LRRC14B: variants seen among roughly 807,000 people sequenced by gnomAD.
LRRC14B encodes leucine rich repeat containing 14B, also known as leucine-rich repeat-containing protein 14B.
In LRRC14B, 23 loss-of-function variants were observed where a neutral mutation model predicts 16.9. That is an observed-to-expected ratio of 1.36 (90% CI 0.98 to 1.92). The LOEUF (loss-of-function observed/expected upper bound fraction) is 1.92, where lower values mean the gene tolerates loss of function less well. LRRC14B is among the 30% of genes most tolerant of loss of function. The pLI is 0.00. For synonymous variants in LRRC14B, 358 were observed against 332.5 expected, an observed-to-expected ratio of 1.08 and a Z score of -0.83; for missense variants, 766 against 705.7, an observed-to-expected ratio of 1.09 and a Z score of -0.97.
intron 1 of LRRC14B, among the ~76,000 whole-genome samples, chr5:192,904 C>T (rs1733836529): frequency 6.6e-6 from 1 of 152,204 alleles, no homozygotes; most frequent in Non-Finnish European, 1.5e-5. Flanking sequence ...TCCTCCCAGT[C>T]TCCCTCGAGG....
At position 192,220 on chromosome 5, in the gene LRRC14B, C is replaced by T. The variant is rs1013276409; in HGVS notation, c.682C>T (p.His228Tyr). ...VVHNVRLHAG[H>Y]VQQLLAQVGF... The stretch of plus-strand genomic sequence containing the variant: ...GCACAACGTGCGGCTGCATGCGGGC[C>T]ACGTGCAGCAGCTTCTGGCCCAGGT... Residue 228 changes from histidine to tyrosine, a missense_variant, in exon 1 of 2, where the codon CAC (histidine) becomes TAC (tyrosine). Coordinates refer to ENST00000328278, the MANE Select transcript of LRRC14B (RefSeq NM_001080478.3). The T allele has an allele frequency of 1.5e-5, 24 of 1,596,766 alleles. No individual in the cohort carries two copies. The highest frequency in any genetic ancestry group is 2.0e-5 in the Non-Finnish European group (24 of 1,172,714).
chr5:193,215 G>A (rs1422397247), intron 1 of LRRC14B, among the ~76,000 whole-genome samples: 1 of 151,622 alleles, frequency 6.6e-6, no homozygotes, highest in African/African-American at 2.4e-5. Flanking sequence ...GGTGGGTCCT[G>A]AAGGAGGGGC....
chr5:191,886 A>T lies in LRRC14B; in HGVS notation c.348A>T (p.Arg116=), dbSNP rs1488458686. 1 of 1,518,034 alleles carries T rather than the reference A, an allele frequency of 6.6e-7. No homozygotes were observed. Among genetic ancestry groups the T allele is most frequent in the East Asian group, 2.5e-5 (1 of 40,188 alleles). 94.0% of individuals were successfully genotyped at this position (1,518,034 alleles called of 1,614,324 possible). ...RLRVADLTGI[R]DVQVQRCPCG... is the part of the protein sequence containing the mutation. The stretch of plus-strand genomic sequence containing the variant: ...GGGTGGCTGACCTCACGGGCATCCG[A>T]GATGTGCAGGTGCAGCGGTGCCCGT... The change falls in exon 1 of 2, where the codon CGA becomes CGT. Residue 116 remains arginine, a synonymous_variant. Transcript: ENST00000328278.
chr5:192,775 T>C (rs1436469055), intron 1 of LRRC14B, among the ~76,000 whole-genome samples: 1 of 152,176 alleles, frequency 6.6e-6, no homozygotes, highest in African/African-American at 2.4e-5. Context: ...CCCCAACACT[T>C]GGGGGCTTCA....
rs1733795517 is a variant in LRRC14B, at chr5:191,735, C to T, written c.197C>T (p.Ala66Val). ...RWPLEEFRLG[A>V]LLGPGADHPQ... Reference sequence around the variant, plus strand: ...CCCCTGGAGGAGTTCCGGCTGGGAGCGCTGCTGGGTCCTGGTGCCGACCAC... The same window carrying T: ...CCCCTGGAGGAGTTCCGGCTGGGAGTGCTGCTGGGTCCTGGTGCCGACCAC... Residue 66 changes from alanine to valine, a missense_variant, in exon 1 of 2, where the codon GCG (alanine) becomes GTG (valine). Physicochemically the swap from Ala to Val is moderately conservative, Grantham distance 64 (BLOSUM62 0). Transcript: ENST00000328278. The T allele has an allele frequency of 5.1e-6, 8 of 1,567,364 alleles. No individual in the cohort carries two copies. The highest frequency in any genetic ancestry group is 1.2e-5 in the South Asian group (1 of 85,738).
rs748272220 is a variant in LRRC14B, at chr5:192,086, C to T, written c.548C>T (p.Pro183Leu). 62 of 1,551,606 alleles carry T rather than the reference C, an allele frequency of 4.0e-5. No individual in the cohort carries two copies. Among genetic ancestry groups the T allele is most frequent in the Non-Finnish European group, 5.3e-5 (61 of 1,152,628 alleles). The change falls in exon 1 of 2, where the codon CCT (proline) becomes CTT (leucine). Residue 183 changes from proline to leucine, a missense_variant. Physicochemically the swap from Pro to Leu is moderately conservative, Grantham distance 98. Coordinates refer to ENST00000328278, the MANE Select transcript of LRRC14B (RefSeq NM_001080478.3). ...GCTCTGAGGCCAGCGGGCCCGGCCC[C>T]TCTGCGGGTGCACTGCCCCTCGTTC... Reference protein sequence around the residue: ...VQALRPAGPAPLRVHCPSFRA... With the variant: ...VQALRPAGPALLRVHCPSFRA...
At position 195,436 on chromosome 5, in the gene LRRC14B, C is replaced by T; in HGVS notation, c.*83C>T. On this transcript the variant is annotated 3_prime_UTR_variant, in exon 2 of 2. Coordinates refer to ENST00000328278, the MANE Select transcript of LRRC14B (RefSeq NM_001080478.3). ...TTAGTCCTGGATCTGAGGCTTGGGC[C>T]CGGCATTCATCCCCACCACCACCAC... is the stretch of plus-strand genomic sequence containing the variant. 1 of 1,283,874 alleles carries T rather than the reference C, an allele frequency of 7.8e-7. No individual in the cohort carries two copies. Among genetic ancestry groups the T allele is most frequent in the East Asian group, 2.5e-5 (1 of 40,376 alleles). 79.5% of individuals were successfully genotyped at this position (1,283,874 alleles called of 1,614,324 possible). A position where few individuals can be genotyped will look rare whatever the true frequency, so the allele number is the denominator to read the frequency against.
rs73730745 is a variant in LRRC14B, at chr5:195,208, G to A, written c.1400G>A (p.Arg467Gln). 305 of 1,613,760 alleles carry A rather than the reference G, an allele frequency of 1.9e-4. No homozygotes were observed. In the African/African-American group the frequency reaches 3.0e-3, roughly 16 times the overall value. Residue 467 changes from arginine (R) to glutamine (Q), a missense_variant, in exon 2 of 2, where the codon CGA (arginine) becomes CAA (glutamine). Transcript: ENST00000328278. ...ELRAVLLRAD[R>Q]EDIQVSTPLF... ...CGTGCCGTGCTGCTGCGGGCTGACC[G>A]AGAGGACATCCAAGTCTCCACACCT... is the stretch of plus-strand genomic sequence containing the variant.
At chr5:194,369 G>A (rs987321937) in intron 1 of LRRC14B, among the ~76,000 whole-genome samples, 1 of 152,152 alleles carries the variant, frequency 6.6e-6, no homozygotes, top group African/African-American at 2.4e-5. Context: ...TACCATTTAG[G>A]TGCTGAGGAC....
At position 192,258 on chromosome 5, in the gene LRRC14B, G is replaced by A. The variant is rs1371921517; in HGVS notation, c.720G>A (p.Arg240=). The change falls in exon 1 of 2, where the codon CGG becomes CGA. Residue 240 remains arginine (R), a synonymous_variant. Coordinates refer to ENST00000328278, the MANE Select transcript of LRRC14B (RefSeq NM_001080478.3). ...QQLLAQVGFP[R]LASLTLPTKA... is the part of the protein sequence containing the mutation. ...TTCTGGCCCAGGTGGGCTTCCCCCG[G>A]CTGGCCTCGCTCACCCTGCCCACCA... 1.9e-6 allele frequency: 3 copies of A among 1,594,428 alleles called. No individual in the cohort carries two copies. The highest frequency in any genetic ancestry group is 2.6e-6 in the Non-Finnish European group (3 of 1,171,292).
intron 1 of LRRC14B, 118 bp downstream of exon 1, chr5:192,555 C>T (rs959350818): frequency 1.4e-5 from 15 of 1,096,852 alleles, no homozygotes; most frequent in African/African-American, 9.8e-5. Flanking sequence ...CCTCTCACTC[C>T]GGGTGTGGCC....
chr5:192,436 G>T lies in LRRC14B; in HGVS notation c.898G>T (p.Gly300Cys). ...TLTGKIPTLL[G>C]PLQTPLRVLD... The stretch of plus-strand genomic sequence containing the variant: ...GACCGGGAAGATCCCGACGCTGCTT[G>T]GGTGAGTCTTGGGGAGGGGACTGAG... The change falls in exon 1 of 2, where the codon GGC (glycine) becomes TGC (cysteine). Residue 300 changes from glycine to cysteine, a missense_variant and splice_region_variant. By Grantham distance (159) the Gly-to-Cys change is radical (BLOSUM62 -3). Coordinates refer to ENST00000328278, the MANE Select transcript of LRRC14B (RefSeq NM_001080478.3). 1 of 1,529,082 alleles carries T rather than the reference G, an allele frequency of 6.5e-7. No homozygotes were observed. The allele number at this position is 1,529,082 out of a possible 1,614,324, so 94.7% of individuals were successfully genotyped here.
rs773736968 is a variant in LRRC14B at position 192,102 on chromosome 5, C to T, written c.564C>T (p.Cys188=). ...GCCCGGCCCCTCTGCGGGTGCACTG[C>T]CCCTCGTTCCGGGCGGACAGCCTGA... ...PAGPAPLRVH[C]PSFRADSLSP... is the part of the protein sequence containing the mutation. The change falls in exon 1 of 2, where the codon TGC becomes TGT. Residue 188 remains cysteine, a synonymous_variant. Coordinates refer to ENST00000328278, the MANE Select transcript of LRRC14B (RefSeq NM_001080478.3). The T allele has an allele frequency of 5.1e-6, 8 of 1,557,516 alleles. No homozygotes were observed. Among genetic ancestry groups the T allele is most frequent in the East Asian group, 2.4e-5 (1 of 41,920 alleles).
chr5:193,892 G>C (rs562878259), intron 1 of LRRC14B, among the ~76,000 whole-genome samples: 61 of 152,062 alleles, frequency 4.0e-4, no homozygotes, highest in Non-Finnish European at 8.1e-4. Flanking sequence ...GGCTCAGCGA[G>C]GACAGTGAGG....
chr5:195,721 CA>C lies in LRRC14B; in HGVS notation c.*369del, dbSNP rs1435332376. 3.5e-6 allele frequency: 1 copy of C among 287,336 alleles called. No homozygotes were observed. Among genetic ancestry groups the C allele is most frequent in the Non-Finnish European group, 6.6e-6 (1 of 151,466 alleles). The allele number at this position is 287,336 out of a possible 1,614,324, so 17.8% of individuals were successfully genotyped here. A position where few individuals can be genotyped will look rare whatever the true frequency, so the allele number is the denominator to read the frequency against. On this transcript the variant is annotated 3_prime_UTR_variant, in exon 2 of 2. Transcript: ENST00000328278. ...GGGCACTGGGCGCAAGATGAAGCTT[CA>C]GGGGGCAGATGTGACTGGGCTCCAC...
At position 195,645 on chromosome 5, in the gene LRRC14B, C is replaced by G; in HGVS notation, c.*292C>G. On this transcript the variant is annotated 3_prime_UTR_variant, in exon 2 of 2. Coordinates refer to ENST00000328278, the MANE Select transcript of LRRC14B (RefSeq NM_001080478.3). ...GGGGCAGACGCCACATGGCAAAGAG[C>G]AGAGAAGCCCGGGAGGTGTGAGGAG... 4.5e-6 allele frequency: 2 copies of G among 448,630 alleles called. No individual in the cohort carries two copies. The highest frequency in any genetic ancestry group is 2.3e-5 in the South Asian group (1 of 44,044). 27.8% of individuals were successfully genotyped at this position (448,630 alleles called of 1,614,324 possible). A position where few individuals can be genotyped will look rare whatever the true frequency, so the allele number is the denominator to read the frequency against.
rs372911383 is a variant in LRRC14B, at chr5:195,039, G to A, written c.1231G>A (p.Ala411Thr). 6.0e-5 allele frequency: 97 copies of A among 1,613,278 alleles called. No individual in the cohort carries two copies. Among genetic ancestry groups the A allele is most frequent in the African/African-American group, 8.0e-5 (6 of 75,048 alleles). Reference protein sequence around the residue: ...SARALRRLFTALCELPELRCI... With the variant: ...SARALRRLFTTLCELPELRCI... ...CCGCGCCCTCCGGCGCCTCTTCACC[G>A]CACTCTGTGAGCTCCCCGAGCTGCG... The change falls in exon 2 of 2, where the codon GCA becomes ACA. Residue 411 changes from alanine to threonine, a missense_variant. Ala to Thr is a moderately conservative substitution (Grantham distance 58). Transcript: ENST00000328278.
chr5:191,560 C>G lies in LRRC14B; in HGVS notation c.22C>G (p.Arg8Gly). MDTMRSL[R>G]FISAEALVSH... ...GGCCATGGACACAATGAGGTCACTC[C>G]GCTTCATTTCTGCAGAAGCTCTGGT... The change falls in exon 1 of 2, where the codon CGC becomes GGC. Residue 8 changes from arginine (R) to glycine (G), a missense_variant. Transcript: ENST00000328278. The G allele has an allele frequency of 1.2e-6, 2 of 1,612,022 alleles. No individual in the cohort carries two copies. The highest frequency in any genetic ancestry group is 1.1e-5 in the South Asian group (1 of 90,860).
intron 1 of LRRC14B, among the ~76,000 whole-genome samples, chr5:193,497 G>A (rs1256931361): frequency 6.7e-6 from 1 of 148,976 alleles, no homozygotes. Flanking sequence ...GTGCCTGGCG[G>A]TGGTAGGGGT....
Sources: gnomAD v4.1 joint callset for allele counts (sites outside exome capture counted in the v4.1 genomes callset) on GRCh38, gnomAD v4.1.1 for gene constraint, MANE v1.5 for transcripts, NCBI Gene and HGNC (gene_info 2026-07-23, HGNC 2026-07-21) for gene names.